The following GGPS1 variants were observed in gnomAD, a reference collection of about 807,000 sequenced individuals.
The protein encoded by GGPS1 is geranylgeranyl pyrophosphate synthase.
GGPS1 carries 15 observed loss-of-function variants against 28.1 expected under a neutral mutation model. That is an observed-to-expected ratio of 0.53 (90% CI 0.36 to 0.82). The LOEUF is 0.82. Ranked by LOEUF, GGPS1 falls within the 40% of genes least tolerant of loss-of-function variation. GGPS1 has a pLI of 0.01. For synonymous variants in GGPS1, 138 were observed against 122.4 expected (o/e 1.13, Z -0.84); for missense variants, 284 against 348.3 (o/e 0.82, Z 1.47).
At chr1:235,328,815 T>A (rs1340089815) in intron 1 of GGPS1, 37 bp downstream of exon 1, 1 of 119,578 alleles carries the variant, frequency 8.4e-6, no homozygotes, top group African/African-American at 3.3e-5. Context: ...GGAACCCGGA[T>A]GGGAAGAAGG....
intron 1 of GGPS1, chr1:235,330,156 A>C (rs1393235004): frequency 6.6e-6 from 1 of 152,186 alleles, no homozygotes; most frequent in Non-Finnish European, 1.5e-5. Flanking sequence ...GTGAGAGTAT[A>C]TGCCACGGTG....
In GGPS1 at chr1:235,343,034, A is replaced by G; in HGVS notation, c.*262A>G. On this transcript the variant is annotated 3_prime_UTR_variant, in exon 4 of 4. Transcript: ENST00000282841. ...TTGCAGTGACAGGACATTGCCACCA[A>G]CTCTATCCTACTACCATCAATGTTG... 6.8e-6 allele frequency: 2 copies of G among 293,326 alleles called. No individual in the cohort carries two copies. Among genetic ancestry groups the G allele is most frequent in the Non-Finnish European group, 1.3e-5 (2 of 149,628 alleles). The allele number at this position is 293,326 out of a possible 1,614,324, so 18.2% of individuals were successfully genotyped here.
chr1:235,340,727 C>A (rs1399284687), intron 2 of GGPS1, among the ~76,000 whole-genome samples: 1 of 108,908 alleles, frequency 9.2e-6, no homozygotes, highest in Non-Finnish European at 1.8e-5. Context: ...CAGAGCGAGA[C>A]TCCGTCTCAA....
intron 2 of GGPS1, among the ~76,000 whole-genome samples, chr1:235,336,526 G>A (rs972002691): frequency 6.6e-6 from 1 of 152,122 alleles, no homozygotes; most frequent in Non-Finnish European, 1.5e-5. Flanking sequence ...AGGTGTGGTG[G>A]CCCACACCTG....
chr1:235,337,816 CAA>C (rs112819918), intron 2 of GGPS1, among the ~76,000 whole-genome samples: 2 of 127,756 alleles, frequency 1.6e-5, no homozygotes, highest in Admixed American at 8.2e-5. Flanking sequence ...GACACTGTCT[CAA>C]AAAAAAAAAA....
Position 235,342,465 on chromosome 1 carries a change from G to A in GGPS1, c.596G>A (p.Ser199Asn), listed in dbSNP as rs202228389. ...GCTAATCTACACTCCAAAGAATATA[G>A]TGAAAACAAAAGTTTTTGTGAAGAT... The part of the protein sequence containing the change: ...DYANLHSKEY[S>N]ENKSFCEDLT... The change falls in exon 4 of 4, where the codon AGT becomes AAT. Residue 199 changes from serine to asparagine, a missense_variant. Ser to Asn is a conservative substitution (Grantham distance 46, BLOSUM62 1). Coordinates refer to ENST00000282841, the MANE Select transcript of GGPS1 (RefSeq NM_004837.4). 1.3e-4 allele frequency: 211 copies of A among 1,613,412 alleles called. No individual in the cohort carries two copies. The highest frequency in any genetic ancestry group is 9.5e-5 in the Non-Finnish European group (112 of 1,179,542).
chr1:235,332,953 A>G (rs1675759763), intron 1 of GGPS1, among the ~76,000 whole-genome samples: 1 of 151,012 alleles, frequency 6.6e-6, no homozygotes, highest in Non-Finnish European at 1.5e-5. Flanking sequence ...CTGTAGTCCC[A>G]GCTACTCAGA....
intron 1 of GGPS1, 24 bp from the exon 2 acceptor site, chr1:235,335,218 C>G (rs372026861): frequency 4.2e-6 from 4 of 946,770 alleles, no homozygotes; most frequent in Non-Finnish European, 6.8e-6. Flanking sequence ...TTCATGTGAT[C>G]TTTATGTTTC....
At chr1:235,341,940 C>T (rs1207286107) in intron 3 of GGPS1, 71 bp from the exon 4 acceptor site, 3 of 1,025,350 alleles carry the variant, frequency 2.9e-6, no homozygotes, top group African/African-American at 3.3e-5. Flanking sequence ...CTGAGACTTT[C>T]ATAATCTGTT....
intron 2 of GGPS1, among the ~76,000 whole-genome samples, chr1:235,340,735 CAA>C (rs1165162184): frequency 3.9e-5 from 2 of 50,994 alleles, no homozygotes; most frequent in Non-Finnish European, 6.7e-5. Context: ...GACTCCGTCT[CAA>C]AAAAAAAAAA....
At position 235,342,725 on chromosome 1, in the gene GGPS1, G is replaced by A; in HGVS notation, c.856G>A (p.Ala286Thr). The A allele has an allele frequency of 1.2e-6, 2 of 1,602,346 alleles. No homozygotes were observed. The highest frequency in any genetic ancestry group is 1.7e-6 in the Non-Finnish European group (2 of 1,175,422). ...ACGTGGTGGGAACCCTGAGCTAGTA[G>A]CCTTAGTAAAACACTTAAGTAAGAT... ...DARGGNPELV[A>T]LVKHLSKMFK... The change falls in exon 4 of 4, where the codon GCC (alanine) becomes ACC (threonine). Residue 286 changes from alanine to threonine, a missense_variant. Coordinates refer to ENST00000282841, the MANE Select transcript of GGPS1 (RefSeq NM_004837.4).
chr1:235,332,205 T>C (rs544901600), intron 1 of GGPS1, among the ~76,000 whole-genome samples: 7 of 152,346 alleles, frequency 4.6e-5, no homozygotes, highest in African/African-American at 1.7e-4. Context: ...AAGTAATCTT[T>C]CATCATCCAC....
intron 1 of GGPS1, 82 bp from the exon 2 acceptor site, chr1:235,335,160 C>T: frequency 1.5e-6 from 1 of 657,450 alleles, no homozygotes; most frequent in Admixed American, 2.7e-5. Flanking sequence ...TTCACAAACA[C>T]CCTGCAATAC....
chr1:235,337,261 C>A (rs897575298), intron 2 of GGPS1, among the ~76,000 whole-genome samples: 9 of 150,646 alleles, frequency 6.0e-5, no homozygotes, highest in African/African-American at 1.7e-4. Context: ...CTGCTACTTA[C>A]AAAGCAAGGA....
chr1:235,342,709 G>T lies in GGPS1; in HGVS notation c.840G>T (p.Gly280=), dbSNP rs1274734705. ...KAYKQIDARG[G]NPELVALVKH... is the part of the protein sequence containing the mutation. ...ATAAACAGATTGATGCACGTGGTGG[G>T]AACCCTGAGCTAGTAGCCTTAGTAA... Residue 280 remains glycine, a synonymous_variant, in exon 4 of 4, where the codon GGG becomes GGT. Transcript: ENST00000282841. 2 of 1,608,626 alleles carry T rather than the reference G, an allele frequency of 1.2e-6. No individual in the cohort carries two copies. The highest frequency in any genetic ancestry group is 2.2e-5 in the South Asian group (2 of 90,104).
intron 1 of GGPS1, among the ~76,000 whole-genome samples, chr1:235,334,899 G>A (rs562176347): frequency 2.6e-5 from 4 of 152,092 alleles, no homozygotes; most frequent in South Asian, 4.2e-4. Context: ...CACCATGCTC[G>A]GCTAATCTTT....
intron 2 of GGPS1, among the ~76,000 whole-genome samples, chr1:235,336,389 CA>C (rs34560436): frequency 0.49 from 74,530 of 150,724 alleles, 18,737 homozygotes; most frequent in South Asian, 0.6. Flanking sequence ...GACTCCGACT[CA>C]AAAAAAAAGA....
chr1:235,331,136 C>T (rs1454896707), intron 1 of GGPS1, among the ~76,000 whole-genome samples: 4 of 152,114 alleles, frequency 2.6e-5, no homozygotes, highest in Non-Finnish European at 4.4e-5. Context: ...TTGATTATTT[C>T]GCTTACTTGA....
intron 1 of GGPS1, chr1:235,329,958 A>G (rs1412421510): frequency 6.6e-6 from 1 of 152,218 alleles, no homozygotes; most frequent in East Asian, 1.9e-4. Context: ...TTAGTTTTGA[A>G]AGTGAGAAGT....
Sources: allele counts gnomAD v4.1 joint callset (sites outside exome capture counted in the v4.1 genomes callset), GRCh38; gene constraint gnomAD v4.1.1; transcripts MANE v1.5; gene names NCBI Gene and HGNC (gene_info 2026-07-23, HGNC 2026-07-21).